FRMPD4: variants seen among roughly 807,000 people sequenced by gnomAD.
FRMPD4 encodes the protein FERM and PDZ domain-containing protein 4.
Under a neutral mutation model 94.1 loss-of-function variants are expected in FRMPD4, and 22 were observed. That is an observed-to-expected ratio of 0.23 (90% CI 0.17 to 0.33). FRMPD4 has a LOEUF of 0.33. Ranked by LOEUF, FRMPD4 falls within the 10% of genes least tolerant of loss-of-function variation. The pLI is 1.00. For synonymous variants in FRMPD4, 631 were observed against 548.6 expected (o/e 1.15, Z -2.10); for missense variants, 1,111 against 1,339.9 (o/e 0.83, Z 2.67).
chrX:12,243,188 C>T (rs1191078059), intron 1 of FRMPD4, among the ~76,000 whole-genome samples: 3 of 112,291 alleles, frequency 2.7e-5, no homozygotes, highest in Non-Finnish European at 3.8e-5. Context: ...GGCCTGTTCA[C>T]CTGTTTCTGT....
chrX:12,471,476 C>T (rs1010118355), intron 1 of FRMPD4, among the ~76,000 whole-genome samples: 8 of 111,637 alleles, frequency 7.2e-5, no homozygotes, highest in Admixed American at 9.5e-5. Flanking sequence ...TATCAAGCTA[C>T]GTGACTGGAT....
At chrX:12,131,190 G>A (rs897977587) in intron 3 of FRMPD4, among the ~76,000 whole-genome samples, 5 of 112,146 alleles carry the variant, frequency 4.5e-5, no homozygotes, top group African/African-American at 1.6e-4. Flanking sequence ...TATAGCAAAC[G>A]TGGTTCTTAA....
intron 3 of FRMPD4, among the ~76,000 whole-genome samples, chrX:12,110,597 G>T (rs191446419): frequency 1.0e-3 from 113 of 110,870 alleles, no homozygotes; most frequent in African/African-American, 3.4e-3. Flanking sequence ...AAGAAATAAA[G>T]GATATTCAAT....
At chrX:12,559,408 G>C (rs148454209) in intron 2 of FRMPD4, among the ~76,000 whole-genome samples, 1,600 of 111,554 alleles carry the variant, frequency 0.014, 25 homozygotes, top group African/African-American at 0.049. Context: ...CCTGCACTTT[G>C]GGTGGTCAAG....
chrX:12,078,875 G>A (rs2055040952), intron 3 of FRMPD4, among the ~76,000 whole-genome samples: 2 of 111,852 alleles, frequency 1.8e-5, no homozygotes, highest in African/African-American at 6.5e-5. Context: ...CGCTTGGTAA[G>A]TGGGGGTGCA....
intron 3 of FRMPD4, among the ~76,000 whole-genome samples, chrX:11,985,910 T>C (rs1335765026): frequency 8.9e-6 from 1 of 112,391 alleles, no homozygotes; most frequent in Non-Finnish European, 1.9e-5. Context: ...TAAGGTTTTT[T>C]ACTCTAATCC....
chrX:12,220,433 T>A (rs886312709), intron 1 of FRMPD4, among the ~76,000 whole-genome samples: 2 of 111,997 alleles, frequency 1.8e-5, no homozygotes, highest in African/African-American at 6.5e-5. Context: ...AGCACCCAGA[T>A]CAAGAAACAG....
At chrX:12,497,485 A>C (rs1317527762) in intron 1 of FRMPD4, among the ~76,000 whole-genome samples, 1 of 109,056 alleles carries the variant, frequency 9.2e-6, no homozygotes, top group East Asian at 2.8e-4. Flanking sequence ...AAAAAAAAAA[A>C]AAACCACCAG....
intron 3 of FRMPD4, among the ~76,000 whole-genome samples, chrX:12,050,429 G>T (rs962943613): frequency 9.0e-6 from 1 of 111,460 alleles, no homozygotes; most frequent in Non-Finnish European, 1.9e-5. Context: ...TCATATAACC[G>T]AGGTGTGAAT....
At chrX:12,638,920 C>A (rs1317902443) in intron 4 of FRMPD4, among the ~76,000 whole-genome samples, 1 of 111,237 alleles carries the variant, frequency 9.0e-6, no homozygotes, top group Non-Finnish European at 1.9e-5. Flanking sequence ...CCCACGCTGG[C>A]CATTATGGCT....
At chrX:12,589,305 C>T (rs1168529822) in intron 2 of FRMPD4, among the ~76,000 whole-genome samples, 1 of 111,475 alleles carries the variant, frequency 9.0e-6, no homozygotes, top group African/African-American at 3.3e-5. Flanking sequence ...GTGGAAATAC[C>T]ATTATCTGAG....
At chrX:12,177,668 G>A (rs938400804) in intron 1 of FRMPD4, among the ~76,000 whole-genome samples, 1 of 112,206 alleles carries the variant, frequency 8.9e-6, no homozygotes, top group Non-Finnish European at 1.9e-5. Flanking sequence ...TGTCTATGGT[G>A]ATTGCCTTCA....
At chrX:12,027,732 T>C (rs1183389334) in intron 3 of FRMPD4, among the ~76,000 whole-genome samples, 1 of 112,522 alleles carries the variant, frequency 8.9e-6, no homozygotes, top group Non-Finnish European at 1.9e-5. Context: ...TCAAAAGGAA[T>C]AGTAAAACTA....
intron 14 of FRMPD4, among the ~76,000 whole-genome samples, chrX:12,714,347 C>T (rs922907370): frequency 9.0e-6 from 1 of 111,553 alleles, no homozygotes; most frequent in Non-Finnish European, 1.9e-5. Flanking sequence ...GGCTGCTTAA[C>T]TCCAGTGTCT....
Position 12,696,535 on chromosome X carries a change from C to T in FRMPD4, c.933+2081C>T, listed in dbSNP as rs181277586. 4.3e-4 allele frequency among the ~76,000 whole-genome samples: 40 copies of T among 93,654 alleles called. 1 individual carries two copies. In the East Asian group the frequency reaches 0.011, roughly 25 times the overall value. 81.3% of individuals were successfully genotyped at this position (93,654 alleles called of 115,157 possible). On this transcript the variant is annotated intron_variant, in intron 9 of 16. Transcript: ENST00000675598. ...TACTCGAAGAGGTTGCAAATCTAAA[C>T]ATAACCTCCCCCTCCCCACTGCCAG...
chrX:12,040,739 C>G (rs183304723), intron 3 of FRMPD4, among the ~76,000 whole-genome samples: 8 of 107,742 alleles, frequency 7.4e-5, no homozygotes, highest in African/African-American at 1.0e-4. Flanking sequence ...CAGTGTTCGC[C>G]AGGATGGTCT....
chrX:12,012,301 C>A (rs2054585186), intron 3 of FRMPD4, among the ~76,000 whole-genome samples: 1 of 111,784 alleles, frequency 8.9e-6, no homozygotes, highest in South Asian at 3.7e-4. Context: ...GTCTTTTTTT[C>A]TGATCTTAGG....
At chrX:12,182,321 T>C (rs2056369523) in intron 1 of FRMPD4, among the ~76,000 whole-genome samples, 1 of 111,653 alleles carries the variant, frequency 9.0e-6, no homozygotes, top group Admixed American at 9.5e-5. Flanking sequence ...TGCTAAATTT[T>C]TTAACTCTAT....
rs2055174640 is a variant in FRMPD4, at chrX:12,093,740, G to A, written c.95+215722G>A. On this transcript the variant is annotated intron_variant, in intron 3 of 18. Transcript: ENST00000640291. ...GTACAGAGGAGAGATATCCAACTCA[G>A]TCTGGAGATCAGGGAAGGCCTCCTG... 3.6e-5 allele frequency among the ~76,000 whole-genome samples: 4 copies of A among 110,680 alleles called. No homozygotes were observed. The South Asian group carries it at 1.2e-3, about 32-fold the overall frequency.
Sources: gnomAD v4.1 joint callset for allele counts (sites outside exome capture counted in the v4.1 genomes callset) on GRCh38, gnomAD v4.1.1 for gene constraint, MANE v1.5 for transcripts, NCBI Gene and HGNC (gene_info 2026-07-23, HGNC 2026-07-21) for gene names.